CTNND2: variants seen among roughly 807,000 people sequenced by gnomAD.
The protein encoded by CTNND2 is catenin delta-2.
CTNND2 carries 22 observed loss-of-function variants against 144.4 expected under a neutral mutation model. The observed-to-expected ratio is 0.15, with a 90% CI of 0.11 to 0.22. The LOEUF (loss-of-function observed/expected upper bound fraction) is 0.22. CTNND2 is among the 10% of genes least tolerant of loss of function. CTNND2 has a pLI of 1.00. For synonymous variants in CTNND2, 751 were observed against 695.6 expected (o/e 1.08, Z -1.25); for missense variants, 1,353 against 1,618.8 (o/e 0.84, Z 2.82).
At chr5:11,200,701 CAG>C (rs1737334168) in intron 10 of CTNND2, among the ~76,000 whole-genome samples, 2 of 152,054 alleles carry the variant, frequency 1.3e-5, no homozygotes, top group South Asian at 2.1e-4. Context: ...CTTTTTGAGA[CAG>C]AGTCTCGCTC....
intron 19 of CTNND2, among the ~76,000 whole-genome samples, chr5:10,989,833 T>C (rs1226225825): frequency 6.6e-6 from 1 of 152,204 alleles, no homozygotes; most frequent in East Asian, 1.9e-4. Flanking sequence ...CAACAGACGT[T>C]ACAGCCAAGT....
At chr5:10,977,096 G>T (rs970843927) in intron 21 of CTNND2, among the ~76,000 whole-genome samples, 5 of 152,042 alleles carry the variant, frequency 3.3e-5, no homozygotes, top group African/African-American at 1.2e-4. Flanking sequence ...TGGCACAGAG[G>T]TAAAAAAAAT....
intron 2 of CTNND2, among the ~76,000 whole-genome samples, chr5:11,589,282 A>AACACACACAC (rs34009518): frequency 0.16 from 23,406 of 146,506 alleles, 2,228 homozygotes; most frequent in Middle Eastern, 0.34. Flanking sequence ...TTAACATTAA[A>AACACACACAC]ACACACACAC....
chr5:11,186,914 C>T (rs1398964826), intron 11 of CTNND2, among the ~76,000 whole-genome samples: 1 of 152,122 alleles, frequency 6.6e-6, no homozygotes, highest in Non-Finnish European at 1.5e-5. Context: ...CCTCACAGGA[C>T]CTCAGGAGTA....
chr5:11,809,723 G>A (rs927813778), intron 1 of CTNND2, among the ~76,000 whole-genome samples: 2 of 152,156 alleles, frequency 1.3e-5, no homozygotes, highest in Admixed American at 6.6e-5. Flanking sequence ...TCATCGAAGG[G>A]TCACAGTTTA....
intron 6 of CTNND2, among the ~76,000 whole-genome samples, chr5:11,396,629 A>G (rs1481026847): frequency 1.3e-5 from 2 of 152,188 alleles, no homozygotes; most frequent in African/African-American, 2.4e-5. Flanking sequence ...AAAACCACAA[A>G]GCAATCCCAT....
chr5:11,454,074 A>T (rs1765514921), intron 3 of CTNND2, among the ~76,000 whole-genome samples: 1 of 152,174 alleles, frequency 6.6e-6, no homozygotes, highest in Non-Finnish European at 1.5e-5. Context: ...TCTCCACATG[A>T]GTTTTCCTAT....
At chr5:11,621,517 C>G (rs1020832265) in intron 2 of CTNND2, among the ~76,000 whole-genome samples, 3 of 151,906 alleles carry the variant, frequency 2.0e-5, no homozygotes, top group Non-Finnish European at 4.4e-5. Flanking sequence ...GAGAAAAAAT[C>G]GTGTAAATGG....
chr5:11,098,844 G>A, intron 14 of CTNND2, 96 bp from the exon 15 acceptor site: 1 of 1,151,800 alleles, frequency 8.7e-7, no homozygotes, highest in Non-Finnish European at 1.3e-6. Context: ...CAAAAGCAGA[G>A]TGCTATCACA....
chr5:11,889,972 C>T (rs1286036315), intron 1 of CTNND2, among the ~76,000 whole-genome samples: 4 of 152,124 alleles, frequency 2.6e-5, no homozygotes, highest in Non-Finnish European at 4.4e-5. Flanking sequence ...ATAGACAGTA[C>T]CTTCAATTTA....
chr5:11,839,735 A>T (rs1409083963), intron 1 of CTNND2, among the ~76,000 whole-genome samples: 2 of 152,072 alleles, frequency 1.3e-5, no homozygotes, highest in Non-Finnish European at 2.9e-5. Flanking sequence ...TCTTGGCTCC[A>T]AAAGTGAGTG....
At chr5:11,029,134 G>A (rs528658760) in intron 16 of CTNND2, among the ~76,000 whole-genome samples, 45 of 152,248 alleles carry the variant, frequency 3.0e-4, no homozygotes, top group South Asian at 2.1e-4. Flanking sequence ...GTGTGAACAC[G>A]GATGTACAAA....
intron 2 of CTNND2, among the ~76,000 whole-genome samples, chr5:11,612,355 T>G (rs953819200): frequency 1.3e-5 from 2 of 152,108 alleles, no homozygotes; most frequent in African/African-American, 4.8e-5. Flanking sequence ...GAAGTAAGAG[T>G]TAATTATTTT....
At chr5:11,653,393 A>G (rs749652309) in intron 2 of CTNND2, among the ~76,000 whole-genome samples, 6 of 151,986 alleles carry the variant, frequency 3.9e-5, no homozygotes, top group Non-Finnish European at 7.4e-5. Context: ...CCTCAGTAAC[A>G]CTTGTTATCA....
In CTNND2 at chr5:11,457,963, C is replaced by T. The variant is rs150715512; in HGVS notation, c.288-45894G>A. On this transcript the variant is annotated intron_variant, in intron 3 of 21. Coordinates refer to ENST00000304623, the MANE Select transcript of CTNND2 (RefSeq NM_001332.4). ...TACTTGCATGGGCTCTGAAGTCTGA[C>T]CCTTGGACTTCAGCTCAGTTCCAGC... 2.0e-5 allele frequency among the ~76,000 whole-genome samples: 3 copies of T among 152,282 alleles called. No individual in the cohort carries two copies. In the East Asian group the frequency reaches 5.8e-4, roughly 29 times the overall value.
chr5:11,886,301 T>C (rs1488471840), intron 1 of CTNND2, among the ~76,000 whole-genome samples: 2 of 151,974 alleles, frequency 1.3e-5, no homozygotes, highest in African/African-American at 2.4e-5. Context: ...AAGAACCAAA[T>C]AGTACTTTGT....
At chr5:11,157,844 G>C (rs767205968) in intron 12 of CTNND2, among the ~76,000 whole-genome samples, 30 of 152,304 alleles carry the variant, frequency 2.0e-4, no homozygotes, top group Non-Finnish European at 3.2e-4. Flanking sequence ...CAAGTGTCGA[G>C]CTGCTGTATG....
At chr5:11,320,713 A>G (rs1751946680) in intron 9 of CTNND2, among the ~76,000 whole-genome samples, 1 of 152,184 alleles carries the variant, frequency 6.6e-6, no homozygotes, top group Admixed American at 6.5e-5. Context: ...TATCATGAGA[A>G]CAGCATGGGA....
chr5:11,898,695 CA>C (rs536948489), intron 1 of CTNND2, among the ~76,000 whole-genome samples: 1 of 151,756 alleles, frequency 6.6e-6, no homozygotes, highest in African/African-American at 2.4e-5. Flanking sequence ...TACTTTGATC[CA>C]AAAAAACAAA....
Sources: allele counts gnomAD v4.1 joint callset (sites outside exome capture counted in the v4.1 genomes callset), GRCh38; gene constraint gnomAD v4.1.1; transcripts MANE v1.5; gene names NCBI Gene and HGNC (gene_info 2026-07-23, HGNC 2026-07-21).